ACSM3: variants seen among roughly 807,000 people sequenced by gnomAD.
The protein encoded by ACSM3 is acyl-coenzyme A synthetase ACSM3, mitochondrial.
Under a neutral mutation model 74.1 loss-of-function variants are expected in ACSM3, and 61 were observed. The observed-to-expected ratio is 0.82, with a 90% CI of 0.67 to 1.02. ACSM3 has a LOEUF of 1.02. Among genes scored for constraint, ACSM3 ranks in the 50% least tolerant of loss-of-function variants. The pLI, the probability that ACSM3 is intolerant of heterozygous loss-of-function variation, is 0.00. For synonymous variants in ACSM3, 213 were observed against 241.5 expected, an observed-to-expected ratio of 0.88 and a Z score of 1.09; for missense variants, 660 against 697.0, an observed-to-expected ratio of 0.95 and a Z score of 0.60.
At chr16:20,723,652 TC>T (rs1431595737) in intron 1 of ACSM3, among the ~76,000 whole-genome samples, 1 of 152,244 alleles carries the variant, frequency 6.6e-6, no homozygotes, top group Non-Finnish European at 1.5e-5. Flanking sequence ...GAGCATTTTT[TC>T]ATGTGTTTTT....
chr16:20,762,280 A>AT (rs961520206), upstream of ACSM3, among the ~76,000 whole-genome samples: 35 of 152,278 alleles, frequency 2.3e-4, no homozygotes, highest in African/African-American at 7.9e-4. Flanking sequence ...AGAAAAAAAA[A>AT]CACTGTTTTT....
chr16:20,696,058 T>G (rs1415852018), intron 1 of ACSM3, among the ~76,000 whole-genome samples: 1 of 152,248 alleles, frequency 6.6e-6, no homozygotes, highest in Admixed American at 6.5e-5. Flanking sequence ...GTGTCATGAC[T>G]GCCTACAGTA....
At chr16:20,742,155 C>G (rs2079933016) in intron 1 of ACSM3, 1 of 881,482 alleles carries the variant, frequency 1.1e-6, no homozygotes, top group Non-Finnish European at 1.5e-6. Context: ...CTCAATTGAA[C>G]GTGGACACAA....
chr16:20,778,539 C>A (rs2080285241), intron 4 of ACSM3, among the ~76,000 whole-genome samples: 4 of 152,144 alleles, frequency 2.6e-5, no homozygotes, highest in Admixed American at 2.0e-4. Context: ...TCATTTAAAC[C>A]TCACAGCAAC....
Position 20,790,564 on chromosome 16 carries a change from T to C in ACSM3, c.1225-23T>C. The C allele has an allele frequency of 6.3e-7, 1 of 1,589,568 alleles. No individual in the cohort carries two copies. The highest frequency in any genetic ancestry group is 8.6e-7 in the Non-Finnish European group (1 of 1,163,528). ...GACATTAAACAAAAATTTCCTTAAA[T>C]AAATTGTTCTATTTTATCCTAGATT... is the stretch of plus-strand genomic sequence containing the variant. On this transcript the variant is annotated intron_variant, in intron 9 of 13. Coordinates refer to ENST00000289416, the MANE Select transcript of ACSM3 (RefSeq NM_005622.4). The surrounding 1 kb of genome is among the most constrained non-coding windows in gnomAD (Gnocchi z 4.0).
At chr16:20,722,801 G>T (rs9941185) in intron 1 of ACSM3, among the ~76,000 whole-genome samples, 83,182 of 152,038 alleles carry the variant, frequency 0.55, 23,712 homozygotes, top group Non-Finnish European at 0.64. Context: ...GTTACTGTAA[G>T]ATTAATATAT....
chr16:20,779,030 C>T (rs553679200), intron 4 of ACSM3, among the ~76,000 whole-genome samples: 7 of 152,292 alleles, frequency 4.6e-5, no homozygotes, highest in African/African-American at 1.2e-4. Context: ...GGATTACAGG[C>T]GTGAGCCACT....
Position 20,786,703 on chromosome 16 carries a change from C to T in ACSM3, c.1224+545C>T, listed in dbSNP as rs542935707. ...GTCTCTAAATAAATAAATATTAACC[C>T]ATTGAATTTCCAGAAGAAACCCTAT... On this transcript the variant is annotated intron_variant, in intron 9 of 13. Coordinates refer to ENST00000289416, the MANE Select transcript of ACSM3 (RefSeq NM_005622.4). 3.3e-5 allele frequency among the ~76,000 whole-genome samples: 5 copies of T among 152,218 alleles called. No homozygotes were observed. The South Asian group carries it at 6.2e-4, about 19-fold the overall frequency.
At chr16:20,786,334 A>G in intron 9 of ACSM3, 176 bp downstream of exon 9, 2 of 1,308,456 alleles carry the variant, frequency 1.5e-6, no homozygotes, top group Non-Finnish European at 1.0e-6. Flanking sequence ...CTTGGTCTCC[A>G]TTATTTTGCA....
At chr16:20,741,481 G>GGGGGGGGGGGGGGCCCCCCCCCC in intron 1 of ACSM3, 3 of 1,308,414 alleles carry the variant, frequency 2.3e-6, no homozygotes, top group Non-Finnish European at 3.0e-6. Flanking sequence ...CTGGCAGCCG[G>GGGGGGGGGGGGGGCCCCCCCCCC]CCCGCCCGCC....
At chr16:20,692,681 T>C (rs1169912837) in intron 1 of ACSM3, among the ~76,000 whole-genome samples, 1 of 152,224 alleles carries the variant, frequency 6.6e-6, no homozygotes, top group African/African-American at 2.4e-5. Context: ...CAAGAGACTT[T>C]GCAGGGCAAT....
At chr16:20,686,872 A>G (rs1716606190) in intron 1 of ACSM3, among the ~76,000 whole-genome samples, 1 of 152,096 alleles carries the variant, frequency 6.6e-6, no homozygotes, top group Admixed American at 6.5e-5. Flanking sequence ...CTGCAGTAGT[A>G]TATGTACAAG....
intron 1 of ACSM3, chr16:20,728,099 T>C (rs16970583): frequency 0.016 from 3,806 of 237,178 alleles, 144 homozygotes; most frequent in African/African-American, 0.083. Flanking sequence ...TTAAGTTTCA[T>C]TGTCATGATA....
At chr16:20,726,380 C>T (rs1281322543) in intron 1 of ACSM3, among the ~76,000 whole-genome samples, 1 of 152,184 alleles carries the variant, frequency 6.6e-6, no homozygotes, top group Non-Finnish European at 1.5e-5. Context: ...CCTCTTTTGC[C>T]AACAAAGTGT....
At position 20,755,325 on chromosome 16, in the gene ACSM3, T is replaced by C. The variant is rs114925992; in HGVS notation, c.-95-248T>C. 7.8e-3 allele frequency among the ~76,000 whole-genome samples: 1,189 copies of C among 152,258 alleles called. 17 individuals are homozygous for C. The highest frequency in any genetic ancestry group is 0.027 in the African/African-American group (1,122 of 41,554). The stretch of plus-strand genomic sequence containing the variant: ...TGAATGAAGAAAGATGATGGATAGA[T>C]GCTAACACTGAGATGACAGAAATGT... On this transcript the variant is annotated intron_variant, in intron 2 of 3. Coordinates refer to the ACSM3 transcript ENST00000561584.
chr16:20,723,940 T>C (rs1374901705), intron 1 of ACSM3, among the ~76,000 whole-genome samples: 5 of 152,166 alleles, frequency 3.3e-5, no homozygotes, highest in Non-Finnish European at 5.9e-5. Context: ...GTGTTTTAGA[T>C]ATGAAGTCCT....
chr16:20,700,925 G>A (rs1289193357), intron 1 of ACSM3, among the ~76,000 whole-genome samples: 1 of 152,116 alleles, frequency 6.6e-6, no homozygotes, highest in East Asian at 1.9e-4. Context: ...TACTGCAATA[G>A]ACTAAACAAG....
chr16:20,726,855 G>A (rs766267262), intron 1 of ACSM3, among the ~76,000 whole-genome samples: 1 of 152,336 alleles, frequency 6.6e-6, no homozygotes, highest in Non-Finnish European at 1.5e-5. Context: ...GCCTGGTACA[G>A]AGTATCATGA....
At chr16:20,794,485 T>C (rs961715448) in intron 12 of ACSM3, among the ~76,000 whole-genome samples, 3 of 152,200 alleles carry the variant, frequency 2.0e-5, no homozygotes, top group African/African-American at 4.8e-5. Context: ...TTTAATCTTA[T>C]TTAATTTTAA....
Sources: gnomAD v4.1 joint callset for allele counts (sites outside exome capture counted in the v4.1 genomes callset) on GRCh38, gnomAD v4.1.1 for gene constraint, Gnocchi (gnomAD v3.1) non-coding constraint, MANE v1.5 for transcripts, NCBI Gene and HGNC (gene_info 2026-07-23, HGNC 2026-07-21) for gene names.